The following SSH2 variants were observed in gnomAD, a reference collection of about 807,000 sequenced individuals.
SSH2 encodes the protein protein phosphatase Slingshot homolog 2.
SSH2 carries 37 observed loss-of-function variants against 135.2 expected under a neutral mutation model. The observed-to-expected ratio is 0.27, with a 90% confidence interval of 0.21 to 0.36. SSH2 has a LOEUF of 0.36. Ranked by LOEUF, SSH2 falls within the 10% of genes least tolerant of loss-of-function variation. The probability of loss-of-function intolerance (pLI) is 1.00; values close to 1 mark genes in which losing one functional copy is unlikely to be tolerated. For synonymous variants in SSH2, 628 were observed against 646.2 expected (o/e 0.97, Z 0.43); for missense variants, 1,408 against 1,765.3 (o/e 0.80, Z 3.63).
chr17:29,766,450 G>A (rs1408777455), intron 3 of SSH2, among the ~76,000 whole-genome samples: 1 of 150,822 alleles, frequency 6.6e-6, no homozygotes, highest in Non-Finnish European at 1.5e-5. Context: ...AGAGTGAGAC[G>A]CTGTCTCAAA....
intron 2 of SSH2, among the ~76,000 whole-genome samples, chr17:29,813,244 G>A (rs1015991857): frequency 2.6e-5 from 4 of 151,488 alleles, no homozygotes; most frequent in South Asian, 2.1e-4. Flanking sequence ...TTAGCCGGGC[G>A]CAGTGGTGAG....
At chr17:29,874,044 G>A (rs1292135076) in intron 1 of SSH2, among the ~76,000 whole-genome samples, 2 of 152,194 alleles carry the variant, frequency 1.3e-5, no homozygotes, top group African/African-American at 2.4e-5. Flanking sequence ...TGTAATCCCA[G>A]CACTTCGGGA....
chr17:29,860,554 C>T (rs2065745788), intron 1 of SSH2, among the ~76,000 whole-genome samples: 1 of 147,856 alleles, frequency 6.8e-6, no homozygotes, highest in African/African-American at 2.5e-5. Context: ...AATTCTCTTG[C>T]TTCAGCCACC....
chr17:29,767,629 GCACACACA>G (rs35751093), intron 3 of SSH2, among the ~76,000 whole-genome samples: 1 of 147,600 alleles, frequency 6.8e-6, no homozygotes, highest in South Asian at 2.1e-4. Context: ...GCACACACAC[GCACACACA>G]CACACACACA....
intron 1 of SSH2, among the ~76,000 whole-genome samples, chr17:29,906,861 A>C (rs556880424): frequency 2.6e-5 from 4 of 152,308 alleles, no homozygotes; most frequent in African/African-American, 7.2e-5. Context: ...AAAGTCAAAA[A>C]ACAGATGCTG....
At chr17:29,699,007 T>C (rs1299294292) in intron 4 of SSH2, among the ~76,000 whole-genome samples, 2 of 152,214 alleles carry the variant, frequency 1.3e-5, no homozygotes, top group Non-Finnish European at 2.9e-5. Flanking sequence ...TTATGCGAGT[T>C]GGAAGCTCAG....
intron 2 of SSH2, among the ~76,000 whole-genome samples, chr17:29,811,011 T>C (rs1051737155): frequency 3.3e-5 from 5 of 152,222 alleles, no homozygotes; most frequent in Admixed American, 3.3e-4. Flanking sequence ...TGTTTGTTTT[T>C]TGGAGACAGA....
intron 3 of SSH2, among the ~76,000 whole-genome samples, chr17:29,715,578 G>A (rs1408164919): frequency 6.6e-6 from 1 of 152,034 alleles, no homozygotes; most frequent in Admixed American, 6.6e-5. Context: ...TTTCCCTACA[G>A]TCTATTCTCT....
At chr17:29,786,981 G>C (rs2041979099) in intron 3 of SSH2, among the ~76,000 whole-genome samples, 1 of 152,040 alleles carries the variant, frequency 6.6e-6, no homozygotes. Context: ...TCTTAATTGT[G>C]GTAAAATAAA....
At chr17:29,854,790 A>G (rs1235056470) in intron 1 of SSH2, among the ~76,000 whole-genome samples, 4 of 152,136 alleles carry the variant, frequency 2.6e-5, no homozygotes. Context: ...TCTACTAAAA[A>G]TACAAAATTA....
intron 11 of SSH2, among the ~76,000 whole-genome samples, chr17:29,662,122 G>T (rs2037071893): frequency 1.3e-5 from 2 of 152,116 alleles, no homozygotes; most frequent in Admixed American, 1.3e-4. Context: ...TAATTTTACT[G>T]AAGTGTAAAA....
chr17:29,685,738 G>A (rs1567876985), intron 5 of SSH2, among the ~76,000 whole-genome samples: 1 of 138,126 alleles, frequency 7.2e-6, no homozygotes, highest in Non-Finnish European at 1.5e-5. Flanking sequence ...GCAGTGAGCT[G>A]AGATCACCCC....
chr17:29,669,417 A>G (rs1567860440), intron 9 of SSH2, among the ~76,000 whole-genome samples: 1 of 152,198 alleles, frequency 6.6e-6, no homozygotes, highest in Non-Finnish European at 1.5e-5. Context: ...AATTATTCAC[A>G]GCAGAGTATT....
chr17:29,637,043 G>A (rs2035941461), intron 14 of SSH2, among the ~76,000 whole-genome samples: 1 of 152,200 alleles, frequency 6.6e-6, no homozygotes, highest in Admixed American at 6.5e-5. Context: ...GTTGGTAACA[G>A]CCAGTGTTGA....
At chr17:29,756,103 T>TA (rs1267907481) in intron 3 of SSH2, among the ~76,000 whole-genome samples, 2 of 150,648 alleles carry the variant, frequency 1.3e-5, no homozygotes, top group Non-Finnish European at 3.0e-5. Context: ...CCGTCTCTAC[T>TA]AAAAAAAGAA....
At chr17:29,709,034 A>AGT (rs2039338122) in intron 3 of SSH2, among the ~76,000 whole-genome samples, 1 of 146,664 alleles carries the variant, frequency 6.8e-6, no homozygotes, top group African/African-American at 2.5e-5. Context: ...AGAGAGAGAG[A>AGT]GAGAGAGAGA....
chr17:29,768,939 G>T (rs1039568657), intron 3 of SSH2, among the ~76,000 whole-genome samples: 1 of 152,114 alleles, frequency 6.6e-6, no homozygotes, highest in South Asian at 2.1e-4. Flanking sequence ...ACATGGCCAG[G>T]TGTGGTGGCT....
At chr17:29,881,248 G>A (rs1323922284) in intron 1 of SSH2, among the ~76,000 whole-genome samples, 7 of 152,132 alleles carry the variant, frequency 4.6e-5, no homozygotes, top group African/African-American at 1.7e-4. Context: ...TACACTGCCA[G>A]CATCTATACA....
intron 9 of SSH2, among the ~76,000 whole-genome samples, chr17:29,669,274 G>A (rs572718011): frequency 6.6e-6 from 1 of 151,958 alleles, no homozygotes; most frequent in Non-Finnish European, 1.5e-5. Context: ...AAAAAGAGTA[G>A]AGCAATAATA....
Sources: allele counts gnomAD v4.1 joint callset (sites outside exome capture counted in the v4.1 genomes callset), GRCh38; gene constraint gnomAD v4.1.1; transcripts MANE v1.5; gene names NCBI Gene and HGNC (gene_info 2026-07-23, HGNC 2026-07-21).